Variants in SEPSECS observed in about 807,000 individuals in gnomAD.
The protein encoded by SEPSECS is Sep (O-phosphoserine) tRNA:Sec (selenocysteine) tRNA synthase, also known as O-phosphoseryl-tRNA(Sec) selenium transferase.
A neutral mutation model predicts 52.1 loss-of-function variants in SEPSECS; 42 were observed. The observed-to-expected ratio is 0.81, with a 90% CI of 0.63 to 1.04. The LOEUF is 1.04. Among genes scored for constraint, SEPSECS ranks in the 50% least tolerant of loss-of-function variants. The pLI, the probability that SEPSECS is intolerant of heterozygous loss-of-function variation, is 0.00. For missense variants in SEPSECS, 590 were observed against 610.6 expected (o/e 0.97, Z 0.36); for synonymous variants, 216 against 211.4 (o/e 1.02, Z -0.19).
chr4:25,129,707 A>G (rs1728534872), intron 8 of SEPSECS, among the ~76,000 whole-genome samples: 1 of 152,012 alleles, frequency 6.6e-6, no homozygotes, highest in Admixed American at 6.6e-5. Context: ...ATATTCCCAT[A>G]CTACGAAAGG....
Position 25,121,286 on chromosome 4 carries a change from T to C in SEPSECS, c.*2645A>G, listed in dbSNP as rs143152362. ...TCCCTGCCATGTATAAGTAACACAT[T>C]GTGTAGTGACCAAAAGAATATTCTA... is the stretch of plus-strand genomic sequence containing the variant. On this transcript the variant is annotated 3_prime_UTR_variant, in exon 11 of 11. Transcript: ENST00000382103. 9 of 152,280 alleles carry C rather than the reference T, an allele frequency of 5.9e-5. No homozygotes were observed. The highest frequency in any genetic ancestry group is 1.2e-4 in the Non-Finnish European group (8 of 67,982). The allele number at this position is 152,280 out of a possible 1,614,324, so 9.4% of individuals were successfully genotyped here. A position where few individuals can be genotyped will look rare whatever the true frequency, so the allele number is the denominator to read the frequency against.
At chr4:25,158,577 C>CA (rs201141068) in intron 2 of SEPSECS, among the ~76,000 whole-genome samples, 2,641 of 128,336 alleles carry the variant, frequency 0.021, 84 homozygotes, top group East Asian at 0.13. Flanking sequence ...ATAAATCATT[C>CA]AAAAAAAAAA....
chr4:25,153,916 G>A (rs1283589704), intron 5 of SEPSECS, among the ~76,000 whole-genome samples: 2 of 152,000 alleles, frequency 1.3e-5, no homozygotes, highest in Non-Finnish European at 2.9e-5. Flanking sequence ...AAAGACGTTA[G>A]TCAAAATGAA....
chr4:25,133,195 A>C (rs1368019758), intron 8 of SEPSECS, among the ~76,000 whole-genome samples: 1 of 152,180 alleles, frequency 6.6e-6, no homozygotes, highest in African/African-American at 2.4e-5. Flanking sequence ...ACACATGATA[A>C]TACACTGTAG....
chr4:25,144,744 T>C (rs1467266797), intron 8 of SEPSECS, 30 bp downstream of exon 8: 2 of 1,466,836 alleles, frequency 1.4e-6, no homozygotes, highest in Admixed American at 3.4e-5. Context: ...TAGTCAAGAA[T>C]GTTATTCGAC....
Position 25,124,174 on chromosome 4 carries a change from G to T in SEPSECS, c.1263C>A (p.Gly421=). The T allele has an allele frequency of 6.2e-7, 1 of 1,613,616 alleles. No individual in the cohort carries two copies. The highest frequency in any genetic ancestry group is 1.1e-5 in the South Asian group (1 of 91,064). ...MQTVSGYTFR[G]FMSHTNNYPC... is the part of the protein sequence containing the mutation. The stretch of plus-strand genomic sequence containing the variant: ...GGTAATTATTTGTATGTGACATAAA[G>T]CCTCTGAAAGTATAGCCACTCACAG... Residue 421 remains glycine (G), a synonymous_variant, in exon 11 of 11, where the codon GGC becomes GGA. Coordinates refer to ENST00000382103, the MANE Select transcript of SEPSECS (RefSeq NM_016955.4).
chr4:25,150,955 T>C (rs1712263354), intron 6 of SEPSECS, among the ~76,000 whole-genome samples: 1 of 151,820 alleles, frequency 6.6e-6, no homozygotes. Context: ...TGCAGTGAAC[T>C]CCAACCTGGA....
intron 8 of SEPSECS, among the ~76,000 whole-genome samples, chr4:25,134,352 G>GTA (rs139535908): frequency 6.9e-6 from 1 of 144,110 alleles, no homozygotes; most frequent in South Asian, 2.2e-4. Flanking sequence ...GTGTGTGTGT[G>GTA]TATAAAATTT....
chr4:25,145,051 G>A lies in SEPSECS; in HGVS notation c.887C>T (p.Ala296Val), dbSNP rs1005218976. The A allele has an allele frequency of 6.2e-7, 1 of 1,613,824 alleles. No individual in the cohort carries two copies. Among genetic ancestry groups the A allele is most frequent in the Admixed American group, 1.7e-5 (1 of 60,006 alleles). ...FMVPVGGAII[A>V]GFNDSFIQEI... is the part of the protein sequence containing the mutation. The stretch of plus-strand genomic sequence containing the variant: ...CTGAATGAATGAATCATTAAAGCCA[G>A]CAATTATAGCACCACCTACTGGAAC... Residue 296 changes from alanine (A) to valine (V), a missense_variant, in exon 7 of 11, where the codon GCT becomes GTT. Physicochemically the swap from Ala to Val is moderately conservative, Grantham distance 64. Coordinates refer to ENST00000382103, the MANE Select transcript of SEPSECS (RefSeq NM_016955.4).
At chr4:25,150,411 G>C (rs755669928) in intron 6 of SEPSECS, among the ~76,000 whole-genome samples, 2 of 152,170 alleles carry the variant, frequency 1.3e-5, no homozygotes, top group Non-Finnish European at 2.9e-5. Context: ...ATTGTCTTAA[G>C]TACTGAGGGC....
In SEPSECS at chr4:25,159,211, G is replaced by T. The variant is rs1275437909; in HGVS notation, c.115-104C>A. 8.1e-6 allele frequency: 8 copies of T among 987,586 alleles called. No homozygotes were observed. In the East Asian group the frequency reaches 1.8e-4, roughly 23 times the overall value. The allele number at this position is 987,586 out of a possible 1,614,324, so 61.2% of individuals were successfully genotyped here. On this transcript the variant is annotated intron_variant, in intron 1 of 10. Coordinates refer to ENST00000382103, the MANE Select transcript of SEPSECS (RefSeq NM_016955.4). The stretch of plus-strand genomic sequence containing the variant: ...TTTTTAACGTGTATTTTGCCACGCT[G>T]CTTGTTTTCTAAAATTCAAGCATAA...
rs765213818 is a variant in SEPSECS, at chr4:25,124,080, T to G, written c.1357A>C (p.Arg453=). Residue 453 remains arginine, a synonymous_variant, in exon 11 of 11, where the codon AGA becomes CGA. Transcript: ENST00000382103. The part of the protein sequence containing the change: ...KMQDVDLFIK[R]LDRCLKAVRK... The stretch of plus-strand genomic sequence containing the variant: ...ACTGCCTTTAAACACCTGTCAAGTC[T>G]CTTTATGAACAGGTCCACATCCTGC... The G allele has an allele frequency of 1.6e-5, 26 of 1,613,732 alleles. No individual in the cohort carries two copies. The South Asian group carries it at 2.7e-4, about 17-fold the overall frequency.
At chr4:25,134,978 T>G (rs1337157531) in intron 8 of SEPSECS, among the ~76,000 whole-genome samples, 1 of 151,934 alleles carries the variant, frequency 6.6e-6, no homozygotes, top group Non-Finnish European at 1.5e-5. Flanking sequence ...AATAACGAAA[T>G]TAAGGCAGAA....
rs568754660 is a variant in SEPSECS at position 25,133,182 on chromosome 4, C to T, written c.1027-5825G>A. 4.9e-4 allele frequency among the ~76,000 whole-genome samples: 75 copies of T among 152,308 alleles called. 2 individuals carry two copies. In the East Asian group the frequency reaches 0.012, roughly 25 times the overall value. On this transcript the variant is annotated intron_variant, in intron 8 of 10. Transcript: ENST00000382103. ...CTAAAGTTAGCTAGCAGGACTCCTA[C>T]AGACACATGATAATACACTGTAGCT...
At chr4:25,160,125 CA>C (rs1380556312) in intron 1 of SEPSECS, 130 bp downstream of exon 1, 2 of 1,474,380 alleles carry the variant, frequency 1.4e-6, no homozygotes, top group East Asian at 5.0e-5. Flanking sequence ...TAGGGCAAGC[CA>C]AGCTGAGACA....
At chr4:25,138,200 A>G (rs1234503024) in intron 8 of SEPSECS, among the ~76,000 whole-genome samples, 1 of 152,234 alleles carries the variant, frequency 6.6e-6, no homozygotes, top group South Asian at 2.1e-4. Context: ...CATCCTGTAC[A>G]TGTACCCCAG....
intron 6 of SEPSECS, among the ~76,000 whole-genome samples, chr4:25,150,578 A>T (rs541027551): frequency 2.3e-4 from 34 of 146,322 alleles, no homozygotes. Context: ...GTCACTACGT[A>T]AAAAAAAAAC....
intron 6 of SEPSECS, among the ~76,000 whole-genome samples, chr4:25,150,984 T>C (rs993084904): frequency 2.0e-5 from 3 of 151,730 alleles, no homozygotes; most frequent in African/African-American, 7.3e-5. Flanking sequence ...TGAGACCCTA[T>C]CTCAAAAAAA....
intron 9 of SEPSECS, 32 bp from the exon 10 acceptor site, chr4:25,125,816 T>C: frequency 1.5e-6 from 2 of 1,341,258 alleles, no homozygotes; most frequent in Non-Finnish European, 2.1e-6. Flanking sequence ...TAATAAGCCT[T>C]GGTTTACTGG....
Sources: allele counts gnomAD v4.1 joint callset (sites outside exome capture counted in the v4.1 genomes callset), GRCh38; gene constraint gnomAD v4.1.1; transcripts MANE v1.5; gene names NCBI Gene and HGNC (gene_info 2026-07-23, HGNC 2026-07-21).